NUP93: variants seen among roughly 807,000 people sequenced by gnomAD.
NUP93 encodes the protein nucleoporin 93.
In NUP93, 55 loss-of-function variants were observed where a neutral mutation model predicts 107.8. The observed-to-expected ratio is 0.51, with a 90% CI of 0.41 to 0.64. The LOEUF (loss-of-function observed/expected upper bound fraction) is 0.64, where lower values mean the gene tolerates loss of function less well. Ranked by LOEUF, NUP93 falls within the 30% of genes least tolerant of loss-of-function variation. NUP93 has a pLI of 0.00. For synonymous variants in NUP93, 390 were observed against 397.5 expected (o/e 0.98, Z 0.22); for missense variants, 937 against 1,044.7 (o/e 0.90, Z 1.42).
chr16:56,837,633 T>A lies in NUP93; in HGVS notation c.1925T>A (p.Met642Lys), dbSNP rs764570277. ...AKNADKVLEL[M>K]NKLLSPVVPQ... The stretch of plus-strand genomic sequence containing the variant: ...AATGCTGACAAGGTACTGGAGCTGA[T>A]GAACAAACTGCTGAGCCCTGTCGTC... Residue 642 changes from methionine to lysine, a missense_variant, in exon 18 of 22, where the codon ATG becomes AAG. Physicochemically the swap from Met to Lys is moderately conservative, Grantham distance 95. Coordinates refer to ENST00000308159, the MANE Select transcript of NUP93 (RefSeq NM_014669.5). 1 of 1,614,160 alleles carries A rather than the reference T, an allele frequency of 6.2e-7. No homozygotes were observed. The highest frequency in any genetic ancestry group is 8.5e-7 in the Non-Finnish European group (1 of 1,179,978).
chr16:56,814,292 C>T (rs912637442), intron 5 of NUP93, among the ~76,000 whole-genome samples: 1 of 152,128 alleles, frequency 6.6e-6, no homozygotes, highest in African/African-American at 2.4e-5. Flanking sequence ...GCGATCCTCT[C>T]GCTTCAGCCT....
At chr16:56,804,330 G>A (rs1029051460) in intron 4 of NUP93, among the ~76,000 whole-genome samples, 1 of 152,132 alleles carries the variant, frequency 6.6e-6, no homozygotes, top group Non-Finnish European at 1.5e-5. Context: ...TGAATGAATG[G>A]ATAAAGAAAA....
At chr16:56,777,618 G>A (rs539877963) in intron 3 of NUP93, among the ~76,000 whole-genome samples, 1 of 152,290 alleles carries the variant, frequency 6.6e-6, no homozygotes, top group South Asian at 2.1e-4. Context: ...TAATTAGTAA[G>A]GACAGATGAG....
chr16:56,837,510 C>A, intron 17 of NUP93, 98 bp from the exon 18 acceptor site: 1 of 957,910 alleles, frequency 1.0e-6, no homozygotes, highest in South Asian at 1.4e-5. Context: ...AAAATGTCAC[C>A]CCAGAAAGTT....
At chr16:56,814,709 A>G (rs369733755) in intron 5 of NUP93, among the ~76,000 whole-genome samples, 1 of 152,124 alleles carries the variant, frequency 6.6e-6, no homozygotes, top group East Asian at 1.9e-4. Context: ...CTGTTTTTCC[A>G]CATATCTGTC....
chr16:56,831,358 G>A (rs1422338461), intron 10 of NUP93, among the ~76,000 whole-genome samples: 2 of 152,222 alleles, frequency 1.3e-5, no homozygotes, highest in Non-Finnish European at 2.9e-5. Flanking sequence ...TCAAGAGATT[G>A]CCTCAAACCA....
intron 3 of NUP93, among the ~76,000 whole-genome samples, 164 bp from the exon 4 acceptor site, chr16:56,798,312 G>C (rs1962943916): frequency 1.3e-5 from 2 of 152,188 alleles, no homozygotes; most frequent in African/African-American, 2.4e-5. Context: ...AAGAAACTAA[G>C]AAACATCTGT....
At position 56,834,261 on chromosome 16, in the gene NUP93, T is replaced by G; in HGVS notation, c.1664+7T>G. The G allele has an allele frequency of 6.2e-7, 1 of 1,613,944 alleles. No homozygotes were observed. The highest frequency in any genetic ancestry group is 8.5e-7 in the Non-Finnish European group (1 of 1,179,800). The stretch of plus-strand genomic sequence containing the variant: ...AGTACTTCTATTTCCTCAGGTAACA[T>G]TTGCTTTTGACCATTTACTTCAGCT... On this transcript the variant is annotated splice_region_variant and intron_variant, in intron 14 of 21. Transcript: ENST00000308159.
chr16:56,769,662 G>T (rs1962284414), intron 3 of NUP93, among the ~76,000 whole-genome samples: 1 of 152,192 alleles, frequency 6.6e-6, no homozygotes, highest in African/African-American at 2.4e-5. Context: ...CTTTGTGCTT[G>T]TGAAAATAGG....
chr16:56,838,879 T>C (rs1963963930), intron 18 of NUP93, 73 bp from the exon 19 acceptor site: 1 of 1,008,490 alleles, frequency 9.9e-7, no homozygotes, highest in Non-Finnish European at 1.5e-6. Context: ...TTTTAAATGC[T>C]ATTCCACTGT....
chr16:56,745,144 A>G (rs943286494), intron 1 of NUP93, among the ~76,000 whole-genome samples: 1 of 152,178 alleles, frequency 6.6e-6, no homozygotes, highest in South Asian at 2.1e-4. Flanking sequence ...GGTTGGCCTC[A>G]AAGGCAGAGT....
intron 3 of NUP93, among the ~76,000 whole-genome samples, chr16:56,763,234 T>G (rs1316587265): frequency 1.3e-5 from 2 of 152,232 alleles, no homozygotes; most frequent in African/African-American, 4.8e-5. Context: ...ACTAAGTTTC[T>G]CATGTCATCC....
intron 7 of NUP93, among the ~76,000 whole-genome samples, chr16:56,822,098 CAA>C (rs71381135): frequency 1.7e-3 from 86 of 51,954 alleles, no homozygotes; most frequent in Non-Finnish European, 2.0e-3. Flanking sequence ...CCATAAGGGG[CAA>C]AAAAAAAAAA....
Position 56,833,264 on chromosome 16 carries a change from C to T in NUP93, c.1395C>T (p.Val465=). 1.2e-6 allele frequency: 2 copies of T among 1,607,144 alleles called. No homozygotes were observed. Among genetic ancestry groups the T allele is most frequent in the Non-Finnish European group, 1.7e-6 (2 of 1,177,788 alleles). The part of the protein sequence containing the change: ...VNQQPFLYFQ[V]LFLTAQFEAA... Reference sequence around the variant, plus strand: ...AGCAACCCTTCCTCTACTTCCAAGTCCTGTTCCTGACAGCGCAGTTTGAAG... The same window carrying T: ...AGCAACCCTTCCTCTACTTCCAAGTTCTGTTCCTGACAGCGCAGTTTGAAG... Residue 465 remains valine (V), a synonymous_variant, in exon 13 of 22, where the codon GTC becomes GTT. Coordinates refer to ENST00000308159, the MANE Select transcript of NUP93 (RefSeq NM_014669.5).
chr16:56,753,635 T>C (rs537744423), intron 2 of NUP93, among the ~76,000 whole-genome samples: 2 of 152,332 alleles, frequency 1.3e-5, no homozygotes, highest in East Asian at 1.9e-4. Context: ...TCTGTACTTT[T>C]GTCATCACAT....
In NUP93 at chr16:56,749,248, C is replaced by T. The variant is rs1961875842; in HGVS notation, c.179+822C>T. On this transcript the variant is annotated intron_variant, in intron 2 of 21. Coordinates refer to ENST00000308159, the MANE Select transcript of NUP93 (RefSeq NM_014669.5). ...AGAAATGTGATTTACTGGTTATTTA[C>T]TGTGTGTTACAAGCTTGGCTAGACG... 2.0e-5 allele frequency among the ~76,000 whole-genome samples: 3 copies of T among 152,180 alleles called. No homozygotes were observed. In the South Asian group the frequency reaches 6.2e-4, roughly 32 times the overall value.
intron 2 of NUP93, among the ~76,000 whole-genome samples, chr16:56,753,004 GATC>G (rs1387493514): frequency 6.6e-6 from 1 of 152,130 alleles, no homozygotes; most frequent in African/African-American, 2.4e-5. Context: ...GAGATTATTT[GATC>G]ATCAATTAGG....
chr16:56,788,486 TG>T (rs1384657379), intron 3 of NUP93, among the ~76,000 whole-genome samples: 1 of 152,246 alleles, frequency 6.6e-6, no homozygotes, highest in Non-Finnish European at 1.5e-5. Flanking sequence ...CATTAGTGCC[TG>T]GGTGGCCATC....
At chr16:56,737,192 G>A (rs541224812) in intron 1 of NUP93, among the ~76,000 whole-genome samples, 1 of 152,306 alleles carries the variant, frequency 6.6e-6, no homozygotes, top group African/African-American at 2.4e-5. Context: ...AGTTTTGGAG[G>A]CTGGAAGTCC....
Sources: allele counts gnomAD v4.1 joint callset (sites outside exome capture counted in the v4.1 genomes callset), GRCh38; gene constraint gnomAD v4.1.1; transcripts MANE v1.5; gene names NCBI Gene and HGNC (gene_info 2026-07-23, HGNC 2026-07-21).